PLCG1: variants seen among roughly 807,000 people sequenced by gnomAD.
PLCG1 encodes the protein phospholipase C gamma 1.
In PLCG1, 71 loss-of-function variants were observed where a neutral mutation model predicts 177.8. That is an observed-to-expected ratio of 0.40 (90% CI 0.33 to 0.49). PLCG1 has a LOEUF of 0.49. PLCG1 is among the 20% of genes least tolerant of loss of function. PLCG1 has a pLI of 0.72. For missense variants in PLCG1, 1,281 were observed against 1,709.0 expected, an observed-to-expected ratio of 0.75 and a Z score of 4.42; for synonymous variants, 658 against 647.9, an observed-to-expected ratio of 1.02 and a Z score of -0.24.
chr20:41,172,312 G>A lies in PLCG1; in HGVS notation c.2905+23G>A. On this transcript the variant is annotated intron_variant, in intron 25 of 31. Transcript: ENST00000685551. The surrounding 1 kb of genome is among the most constrained non-coding windows in gnomAD (Gnocchi z 7.0). ...AGAGTAAGGGCCAGGGCCCAGGCGG[G>A]GTGTGCATGTGCCTGGAGGGCCTGG... 6.3e-7 allele frequency: 1 copy of A among 1,593,888 alleles called. No individual in the cohort carries two copies. Among genetic ancestry groups the A allele is most frequent in the Non-Finnish European group, 8.6e-7 (1 of 1,161,444 alleles).
chr20:41,141,922 A>G (rs1161261305), intron 1 of PLCG1, among the ~76,000 whole-genome samples: 2 of 152,254 alleles, frequency 1.3e-5, no homozygotes, highest in African/African-American at 4.8e-5. Context: ...GTTGGAGTTT[A>G]GAGATCTTGG....
Position 41,166,380 on chromosome 20 carries a change from CCACGAGAGCA to C in PLCG1, c.1987_1996del (p.His663LysfsTer8). 1 of 1,614,098 alleles carries C rather than the reference CCACGAGAGCA, an allele frequency of 6.2e-7. No individual in the cohort carries two copies. The highest frequency in any genetic ancestry group is 8.5e-7 in the Non-Finnish European group (1 of 1,180,042). On this transcript the variant is annotated frameshift_variant, in exon 17 of 32. Coordinates refer to ENST00000685551, the MANE Select transcript of PLCG1 (RefSeq NM_002660.3). LOFTEE classifies it high-confidence loss of function. The surrounding 1 kb of genome is among the most constrained non-coding windows in gnomAD (Gnocchi z 8.6). ...CAGAGCCTGTCCCACAGACCAACGC[CCACGAGAGCA>C]AAGAGTGAGGGAAGGGCCTGGGGGC... is the stretch of plus-strand genomic sequence containing the variant.
rs1422323349 is a variant in PLCG1 at position 41,172,431 on chromosome 20, A to C, written c.2916A>C (p.Thr972=). The C allele has an allele frequency of 1.9e-6, 3 of 1,614,006 alleles. No individual in the cohort carries two copies. In the African/African-American group the frequency reaches 4.0e-5, roughly 22 times the overall value. Residue 972 remains threonine, a synonymous_variant, in exon 26 of 32, where the codon ACA becomes ACC. Coordinates refer to ENST00000685551, the MANE Select transcript of PLCG1 (RefSeq NM_002660.3). The surrounding 1 kb of genome is among the most constrained non-coding windows in gnomAD (Gnocchi z 7.0). ...CCCTGTTTGGCCCAGAGATTGGCAC[A>C]GAACGTGCTTGCTACCGGGACATGT... ...PVPFDEEKIG[T]ERACYRDMSS... is the part of the protein sequence containing the mutation.
chr20:41,164,247 C>A lies in PLCG1; in HGVS notation c.1217+46C>A, dbSNP rs1441117929. 2 of 1,606,626 alleles carry A rather than the reference C, an allele frequency of 1.2e-6. No individual in the cohort carries two copies. Among genetic ancestry groups the A allele is most frequent in the South Asian group, 2.2e-5 (2 of 90,738 alleles). ...CCCAGGGGTTAACTTGGCTCCAGGTCTCTCGTTCTAGAGGGACAGAGGGCA... is the reference window on the plus strand; with the variant it reads ...CCCAGGGGTTAACTTGGCTCCAGGTATCTCGTTCTAGAGGGACAGAGGGCA... On this transcript the variant is annotated intron_variant, in intron 12 of 31. Transcript: ENST00000685551. This position sits in a 1 kb window ranked among gnomAD's most constrained non-coding sequence, Gnocchi z 6.4.
rs1374937127 is a variant in PLCG1 at position 41,159,328 on chromosome 20, A to C, written c.218-278A>C. On this transcript the variant is annotated intron_variant, in intron 1 of 31. Coordinates refer to ENST00000685551, the MANE Select transcript of PLCG1 (RefSeq NM_002660.3). This position sits in a 1 kb window ranked among gnomAD's most constrained non-coding sequence, Gnocchi z 6.0. The stretch of plus-strand genomic sequence containing the variant: ...GGAGTCTAGCTCTTTTGCAGGTCAA[A>C]ATGTCTCAGTGAGGGAACAAAGATA... Among the ~76,000 whole-genome samples the C allele has an allele frequency of 2.6e-5, 4 of 152,106 alleles. No homozygotes were observed. Among genetic ancestry groups the C allele is most frequent in the Non-Finnish European group, 5.9e-5 (4 of 68,024 alleles).
At chr20:41,145,863 C>G (rs779695867) in intron 1 of PLCG1, among the ~76,000 whole-genome samples, 2 of 152,190 alleles carry the variant, frequency 1.3e-5, no homozygotes, top group East Asian at 3.9e-4. Context: ...CCTTAATATT[C>G]TCGCACCCCT....
At position 41,166,487 on chromosome 20, in the gene PLCG1, C is replaced by T. The variant is rs181671926; in HGVS notation, c.2012C>T (p.Ala671Val). The T allele has an allele frequency of 1.6e-5, 26 of 1,614,032 alleles. No homozygotes were observed. The highest frequency in any genetic ancestry group is 1.3e-4 in the East Asian group (6 of 44,878). Reference sequence around the variant, plus strand: ...CTGCCTGTTCTCAGGTGGTACCACGCGAGCCTGACCAGAGCACAGGCTGAG... The same window carrying T: ...CTGCCTGTTCTCAGGTGGTACCACGTGAGCCTGACCAGAGCACAGGCTGAG... ...NAHESKEWYH[A>V]SLTRAQAEHM... The change falls in exon 18 of 32, where the codon GCG (alanine) becomes GTG (valine). Residue 671 changes from alanine (A) to valine (V), a missense_variant. Ala to Val is a moderately conservative substitution (Grantham distance 64, BLOSUM62 0). Around this residue, in one of 4 missense-constraint regions of PLCG1, gnomAD observed 723 missense variants for 1,030.0 expected, o/e 0.70. Coordinates refer to ENST00000685551, the MANE Select transcript of PLCG1 (RefSeq NM_002660.3). The surrounding 1 kb of genome is among the most constrained non-coding windows in gnomAD (Gnocchi z 8.6).
chr20:41,171,502 G>A (rs907168401), intron 24 of PLCG1, among the ~76,000 whole-genome samples: 8 of 146,944 alleles, frequency 5.4e-5, no homozygotes, highest in East Asian at 2.1e-4. Flanking sequence ...CAGGAGAATC[G>A]CTTGAACCCG....
chr20:41,142,128 C>T (rs189474196), intron 1 of PLCG1, among the ~76,000 whole-genome samples: 30 of 152,348 alleles, frequency 2.0e-4, no homozygotes, highest in Admixed American at 1.8e-3. Context: ...CTGTGTGTTA[C>T]ATACCATAAT....
chr20:41,170,687 C>CA (rs1210451174), intron 24 of PLCG1: 1 of 167,702 alleles, frequency 6.0e-6, no homozygotes, highest in Non-Finnish European at 1.3e-5. Flanking sequence ...CCAGGAAAGG[C>CA]AGGTCAGACA....
intron 6 of PLCG1, 71 bp downstream of exon 6, chr20:41,162,796 C>A: frequency 7.1e-7 from 1 of 1,416,074 alleles, no homozygotes; most frequent in Non-Finnish European, 9.9e-7. Flanking sequence ...CTCTGCCTGC[C>A]TCAGCCCTGC....
At position 41,165,701 on chromosome 20, in the gene PLCG1, G is replaced by A. The variant is rs2035661251; in HGVS notation, c.1674G>A (p.Gly558=). Reference sequence around the variant, plus strand: ...GGTTCCATGGGAAGCTAGGGGCAGGGCGTGACGGGCGTCACATCGCTGAGC... The same window carrying A: ...GGTTCCATGGGAAGCTAGGGGCAGGACGTGACGGGCGTCACATCGCTGAGC... ...EKWFHGKLGA[G]RDGRHIAERL... Residue 558 remains glycine (G), a synonymous_variant, in exon 16 of 32, where the codon GGG becomes GGA. Transcript: ENST00000685551. The surrounding 1 kb of genome is among the most constrained non-coding windows in gnomAD (Gnocchi z 6.6). 1.9e-6 allele frequency: 3 copies of A among 1,613,956 alleles called. No individual in the cohort carries two copies. Among genetic ancestry groups the A allele is most frequent in the East Asian group, 4.5e-5 (2 of 44,882 alleles).
At position 41,166,308 on chromosome 20, in the gene PLCG1, C is replaced by T; in HGVS notation, c.1914C>T (p.His638=). The change falls in exon 17 of 32, where the codon CAC becomes CAT. Residue 638 remains histidine (H), a synonymous_variant. Transcript: ENST00000685551. The surrounding 1 kb of genome is among the most constrained non-coding windows in gnomAD (Gnocchi z 8.6). ...VFDSLYDLIT[H]YQQVPLRCNE... ...ACTCCCTCTATGACCTCATCACGCA[C>T]TACCAGCAGGTGCCCCTGCGCTGTA... 6.2e-7 allele frequency: 1 copy of T among 1,614,192 alleles called. No homozygotes were observed. Among genetic ancestry groups the T allele is most frequent in the Non-Finnish European group, 8.5e-7 (1 of 1,180,030 alleles).
chr20:41,164,261 G>T lies in PLCG1; in HGVS notation c.1217+60G>T. The T allele has an allele frequency of 6.4e-7, 1 of 1,574,294 alleles. No homozygotes were observed. Among genetic ancestry groups the T allele is most frequent in the Non-Finnish European group, 8.7e-7 (1 of 1,147,544 alleles). ...TGGCTCCAGGTCTCTCGTTCTAGAG[G>T]GACAGAGGGCAGAAAGACTCCTCAA... On this transcript the variant is annotated intron_variant, in intron 12 of 31. Transcript: ENST00000685551. This position sits in a 1 kb window ranked among gnomAD's most constrained non-coding sequence, Gnocchi z 6.4.
At chr20:41,138,403 C>T (rs1232129414) in intron 1 of PLCG1, among the ~76,000 whole-genome samples, 1 of 151,880 alleles carries the variant, frequency 6.6e-6, no homozygotes. Flanking sequence ...TGGGCCTACT[C>T]ATCTCCCTCT....
chr20:41,172,324 C>G lies in PLCG1; in HGVS notation c.2905+35C>G. 1 of 1,582,254 alleles carries G rather than the reference C, an allele frequency of 6.3e-7. No individual in the cohort carries two copies. The highest frequency in any genetic ancestry group is 8.7e-7 in the Non-Finnish European group (1 of 1,150,988). ...AGGGCCCAGGCGGGGTGTGCATGTG[C>G]CTGGAGGGCCTGGTGGGTGCAAAAA... On this transcript the variant is annotated intron_variant, in intron 25 of 31. Transcript: ENST00000685551. The surrounding 1 kb of genome is among the most constrained non-coding windows in gnomAD (Gnocchi z 7.0).
In PLCG1 at chr20:41,172,487, AC is replaced by A; in HGVS notation, c.2973del (p.Tyr991Ter). On this transcript the variant is annotated frameshift_variant, in exon 26 of 32. Transcript: ENST00000685551. LOFTEE classifies it high-confidence loss of function. The surrounding 1 kb of genome is among the most constrained non-coding windows in gnomAD (Gnocchi z 7.0). Reference sequence around the variant, plus strand: ...TTCCCGGAAACCAAGGCTGAGAAATACGTGAACAAGGCCAAAGGCAAGAAGT... The same window carrying A: ...TTCCCGGAAACCAAGGCTGAGAAATAGTGAACAAGGCCAAAGGCAAGAAGT... ...SSFPETKAEKYVNKAKGKKFL... is the reference protein window; with the variant it reads ...SSFPETKAEKXVNKAKGKKFL... The A allele has an allele frequency of 6.2e-7, 1 of 1,614,214 alleles. No homozygotes were observed. Among genetic ancestry groups the A allele is most frequent in the Non-Finnish European group, 8.5e-7 (1 of 1,180,030 alleles).
At position 41,176,457 on chromosome 20, in the gene PLCG1, G is replaced by A. The variant is rs2036067346; in HGVS notation, c.*1948G>A. 6.6e-6 allele frequency: 1 copy of A among 152,234 alleles called. No individual in the cohort carries two copies. The highest frequency in any genetic ancestry group is 1.5e-5 in the Non-Finnish European group (1 of 68,046). 9.4% of individuals were successfully genotyped at this position (152,234 alleles called of 1,614,324 possible). On this transcript the variant is annotated 3_prime_UTR_variant, in exon 32 of 32. Transcript: ENST00000685551. ...GAAAGGTTTCCTATCAGAGAAGGAAGAGGACTGTGTAGGCCCTTCTGTTAG... is the reference window on the plus strand; with the variant it reads ...GAAAGGTTTCCTATCAGAGAAGGAAAAGGACTGTGTAGGCCCTTCTGTTAG...
rs375655980 is a variant in PLCG1, at chr20:41,171,644, T to A, written c.2809-549T>A. On this transcript the variant is annotated intron_variant, in intron 24 of 31. Transcript: ENST00000685551. ...AGAAAGTCCTCCAGGAGAGGATGGG[T>A]TGGGGTGCTTGTAAGTGGGCTTCTG... Among the ~76,000 whole-genome samples the A allele has an allele frequency of 5.2e-4, 71 of 137,426 alleles. 1 individual carries two copies. The East Asian group carries it at 5.3e-3, about 10-fold the overall frequency. 90.2% of individuals were successfully genotyped at this position (137,426 alleles called of 152,430 possible). A position where few individuals can be genotyped will look rare whatever the true frequency, so the allele number is the denominator to read the frequency against.
Sources: allele counts gnomAD v4.1 joint callset (sites outside exome capture counted in the v4.1 genomes callset), GRCh38; gene constraint gnomAD v4.1.1; regional missense constraint gnomAD v4.1.1; non-coding constraint Gnocchi (gnomAD v3.1); transcripts MANE v1.5; gene names NCBI Gene and HGNC (gene_info 2026-07-23, HGNC 2026-07-21).